SNRNP200: variants seen among roughly 807,000 people sequenced by gnomAD.
The protein encoded by SNRNP200 is small nuclear ribonucleoprotein U5 subunit 200.
In SNRNP200, 66 loss-of-function variants were observed where a neutral mutation model predicts 255.2. That is an observed-to-expected ratio of 0.26 (90% CI 0.21 to 0.32). The LOEUF is 0.32. Ranked by LOEUF, SNRNP200 falls within the 10% of genes least tolerant of loss-of-function variation. The pLI, the probability that SNRNP200 is intolerant of heterozygous loss-of-function variation, is 1.00. For missense variants in SNRNP200, 1,585 were observed against 2,749.8 expected (o/e 0.58, Z 9.47); for synonymous variants, 939 against 1,027.8 (o/e 0.91, Z 1.65).
intron 43 of SNRNP200, 50 bp from the exon 44 acceptor site, chr2:96,275,399 T>C (rs1399421992): frequency 2.7e-6 from 4 of 1,477,478 alleles, no homozygotes; most frequent in South Asian, 1.1e-5. Flanking sequence ...TTGATGACCA[T>C]AGGCAACCAT....
intron 43 of SNRNP200, 98 bp from the exon 44 acceptor site, chr2:96,275,447 G>C: frequency 2.0e-6 from 2 of 1,009,840 alleles, no homozygotes; most frequent in Non-Finnish European, 3.1e-6. Context: ...ACAAAAATCA[G>C]ATAGCTTTCC....
intron 2 of SNRNP200, 58 bp from the exon 3 acceptor site, chr2:96,303,388 T>C (rs763825726): frequency 6.0e-5 from 96 of 1,599,686 alleles, no homozygotes; most frequent in Non-Finnish European, 6.2e-5. Flanking sequence ...AAGGGAAGAC[T>C]GGATCAAGCC....
intron 14 of SNRNP200, among the ~76,000 whole-genome samples, chr2:96,294,743 C>T (rs2063906220): frequency 6.6e-6 from 1 of 152,212 alleles, no homozygotes. Flanking sequence ...CTTCCTCACT[C>T]ATTCCCTCAG....
In SNRNP200 at chr2:96,287,394, G is replaced by A. The variant is rs2063850528; in HGVS notation, c.3484+45C>T. ...GGAAGACTACATAGGCAAACTGGGA[G>A]AGACACCCAGGCAGTGAGGACAAGG... On this transcript the variant is annotated intron_variant, in intron 26 of 44. Transcript: ENST00000323853. The surrounding 1 kb of genome is among the most constrained non-coding windows in gnomAD (Gnocchi z 5.7). 1 of 1,417,052 alleles carries A rather than the reference G, an allele frequency of 7.1e-7. No homozygotes were observed. The highest frequency in any genetic ancestry group is 1.0e-6 in the Non-Finnish European group (1 of 1,000,250). 87.8% of individuals were successfully genotyped at this position (1,417,052 alleles called of 1,614,324 possible).
intron 14 of SNRNP200, 48 bp from the exon 15 acceptor site, chr2:96,293,557 G>T: frequency 6.5e-7 from 1 of 1,538,250 alleles, no homozygotes; most frequent in South Asian, 1.1e-5. Flanking sequence ...GAGATACATA[G>T]TCCCTTTTCC....
intron 11 of SNRNP200, 90 bp downstream of exon 11, chr2:96,297,273 T>A: frequency 6.4e-7 from 1 of 1,557,324 alleles, no homozygotes; most frequent in South Asian, 1.1e-5. Context: ...AAATAAACTA[T>A]ATATGAAACA....
At chr2:96,276,298 A>AG (rs573026077) in intron 43 of SNRNP200, among the ~76,000 whole-genome samples, 14 of 152,188 alleles carry the variant, frequency 9.2e-5, no homozygotes, top group Non-Finnish European at 1.2e-4. Flanking sequence ...AAAAAAGAAG[A>AG]AACAACCAGG....
Position 96,278,062 on chromosome 2 carries a change from C to T in SNRNP200, c.5611-112G>A. ...CACACAGCCCTTCAACACCCTGAGG[C>T]ATGTGGGTGGTAATGGGATGGAGAT... On this transcript the variant is annotated intron_variant, in intron 39 of 44. Transcript: ENST00000323853. The surrounding 1 kb of genome is among the most constrained non-coding windows in gnomAD (Gnocchi z 6.9). The T allele has an allele frequency of 6.5e-7, 1 of 1,548,038 alleles. No homozygotes were observed.
chr2:96,287,217 C>CT lies in SNRNP200; in HGVS notation c.3485-58dup, dbSNP rs2063849645. 1 of 1,607,682 alleles carries CT rather than the reference C, an allele frequency of 6.2e-7. No individual in the cohort carries two copies. The highest frequency in any genetic ancestry group is 8.5e-7 in the Non-Finnish European group (1 of 1,174,598). ...CCCAGCCTGCCTACTATACTGCAAA[C>CT]TGGGCCTGAGGGCCACTGTGGGAAA... is the stretch of plus-strand genomic sequence containing the variant. On this transcript the variant is annotated intron_variant, in intron 26 of 44. Coordinates refer to ENST00000323853, the MANE Select transcript of SNRNP200 (RefSeq NM_014014.5). This position sits in a 1 kb window ranked among gnomAD's most constrained non-coding sequence, Gnocchi z 5.7.
At chr2:96,303,439 T>C (rs949671893) in intron 2 of SNRNP200, 109 bp from the exon 3 acceptor site, 12 of 1,278,238 alleles carry the variant, frequency 9.4e-6, no homozygotes, top group Non-Finnish European at 1.4e-5. Context: ...AGTTAATATC[T>C]GAAAACAGGT....
chr2:96,275,323 C>A lies in SNRNP200; in HGVS notation c.6201G>T (p.Val2067=), dbSNP rs1361010882. ...PQKREEGWWV[V]IGDAKSNSLI... The stretch of plus-strand genomic sequence containing the variant: ...GGCTATTGGACTTGGCATCTCCAAT[C>A]ACCACCCACCAGCCCTCTTCACGTT... The change falls in exon 44 of 45, where the codon GTG becomes GTT. Residue 2067 remains valine (V), a synonymous_variant. Transcript: ENST00000323853. The A allele has an allele frequency of 6.2e-7, 1 of 1,613,596 alleles. No homozygotes were observed. Among genetic ancestry groups the A allele is most frequent in the Admixed American group, 1.7e-5 (1 of 60,022 alleles).
chr2:96,293,630 C>G lies in SNRNP200; in HGVS notation c.1843-121G>C. On this transcript the variant is annotated intron_variant, in intron 14 of 44. Transcript: ENST00000323853. The stretch of plus-strand genomic sequence containing the variant: ...GCCTAAGAAAAAAGACAAGGGATCC[C>G]AAGCCACAGATGCCCAAAGGATGGA... The G allele has an allele frequency of 3.5e-6, 3 of 860,506 alleles. No individual in the cohort carries two copies. In the South Asian group the frequency reaches 4.5e-5, roughly 13 times the overall value. 53.3% of individuals were successfully genotyped at this position (860,506 alleles called of 1,614,324 possible). A position where few individuals can be genotyped will look rare whatever the true frequency, so the allele number is the denominator to read the frequency against.
Position 96,301,568 on chromosome 2 carries a change from T to C in SNRNP200, c.530A>G (p.Lys177Arg). The C allele has an allele frequency of 1.2e-6, 2 of 1,614,234 alleles. No homozygotes were observed. Among genetic ancestry groups the C allele is most frequent in the Non-Finnish European group, 1.7e-6 (2 of 1,180,048 alleles). ...TRYHVLVNLG[K>R]KITDYGGDKE... ...ATCTCCACCATAGTCTGTGATCTTT[T>C]TGCCCAGGTTCACTAGCACATGGTA... Residue 177 changes from lysine to arginine, a missense_variant, in exon 4 of 45, where the codon AAA (lysine) becomes AGA (arginine). Coordinates refer to ENST00000323853, the MANE Select transcript of SNRNP200 (RefSeq NM_014014.5).
At chr2:96,295,775 T>C in intron 13 of SNRNP200, 117 bp from the exon 14 acceptor site, 1 of 1,018,912 alleles carries the variant, frequency 9.8e-7, no homozygotes, top group Admixed American at 2.0e-5. Context: ...ATCAGGTGAA[T>C]ACAAGGCGAA....
chr2:96,297,162 T>C, intron 11 of SNRNP200, 92 bp from the exon 12 acceptor site: 1 of 1,587,550 alleles, frequency 6.3e-7, no homozygotes, highest in Non-Finnish European at 8.6e-7. Flanking sequence ...TCCCTGGCAA[T>C]CTCTTTGCAT....
chr2:96,274,752 T>G lies in SNRNP200; in HGVS notation c.*260A>C. On this transcript the variant is annotated 3_prime_UTR_variant, in exon 45 of 45. Transcript: ENST00000323853. Reference sequence around the variant, plus strand: ...CAAATGGTTTCTACAAATTATTTTATTAGAATGTCAGACTCAAAAGAACTA... The same window carrying G: ...CAAATGGTTTCTACAAATTATTTTAGTAGAATGTCAGACTCAAAAGAACTA... 1 of 527,730 alleles carries G rather than the reference T, an allele frequency of 1.9e-6. No individual in the cohort carries two copies. The allele number at this position is 527,730 out of a possible 1,614,324, so 32.7% of individuals were successfully genotyped here.
chr2:96,296,704 T>C lies in SNRNP200; in HGVS notation c.1516-13A>G, dbSNP rs1348138604. 2 of 1,613,928 alleles carry C rather than the reference T, an allele frequency of 1.2e-6. No homozygotes were observed. The highest frequency in any genetic ancestry group is 3.3e-5 in the Admixed American group (2 of 59,998). On this transcript the variant is annotated splice_polypyrimidine_tract_variant and intron_variant, in intron 12 of 44. Coordinates refer to ENST00000323853, the MANE Select transcript of SNRNP200 (RefSeq NM_014014.5). ...TCTTCCCAGCACCCTACGGGAGAGG[T>C]CAGGGATGAGAACGCCTATTCACCT...
In SNRNP200 at chr2:96,290,047, AATGACAGGCTCCC is replaced by A. The variant is rs778500978; in HGVS notation, c.2743-64_2743-52del. 6.5e-7 allele frequency: 1 copy of A among 1,539,304 alleles called. No individual in the cohort carries two copies. Among genetic ancestry groups the A allele is most frequent in the African/African-American group, 1.4e-5 (1 of 73,362 alleles). On this transcript the variant is annotated intron_variant, in intron 20 of 44. Transcript: ENST00000323853. This position sits in a 1 kb window ranked among gnomAD's most constrained non-coding sequence, Gnocchi z 4.5. ...AGCATGGAGAAACTCTTGATGTCCA[AATGACAGGCTCCC>A]ATGAATTGCTTAGAAATTAATTCCC...
Position 96,289,881 on chromosome 2 carries a change from C to A in SNRNP200, c.2858G>T (p.Arg953Leu). ...LKGDPLLDQR[R>L]LDLVHTAALM... ...GGCAGCTGTATGAACCAGATCTAGTCGGCGCTGGTCCAGCAGGGGATCTCC... is the reference window on the plus strand; with the variant it reads ...GGCAGCTGTATGAACCAGATCTAGTAGGCGCTGGTCCAGCAGGGGATCTCC... Residue 953 changes from arginine (R) to leucine (L), a missense_variant, in exon 21 of 45, where the codon CGA becomes CTA. Arg to Leu is a moderately radical substitution (Grantham distance 102, BLOSUM62 -2). Transcript: ENST00000323853. The A allele has an allele frequency of 6.2e-7, 1 of 1,614,126 alleles. No individual in the cohort carries two copies. Among genetic ancestry groups the A allele is most frequent in the Non-Finnish European group, 8.5e-7 (1 of 1,180,010 alleles).
Sources: gnomAD v4.1 joint callset for allele counts (sites outside exome capture counted in the v4.1 genomes callset) on GRCh38, gnomAD v4.1.1 for gene constraint, Gnocchi (gnomAD v3.1) non-coding constraint, MANE v1.5 for transcripts, NCBI Gene and HGNC (gene_info 2026-07-23, HGNC 2026-07-21) for gene names.